Variants in RYR2 observed in about 807,000 individuals in gnomAD.
RYR2 encodes the protein cardiac muscle ryanodine receptor-calcium release channel.
In RYR2, 227 loss-of-function variants were observed where a neutral mutation model predicts 601.1. That is an observed-to-expected ratio of 0.38 (90% confidence interval 0.34 to 0.42). The LOEUF (loss-of-function observed/expected upper bound fraction) is 0.42, where lower values mean the gene tolerates loss of function less well. Ranked by LOEUF, RYR2 falls within the 10% of genes least tolerant of loss-of-function variation. The pLI is 1.00. For missense variants in RYR2, 4,646 were observed against 6,156.5 expected (o/e 0.75, Z 8.21); for synonymous variants, 2,223 against 2,175.1 (o/e 1.02, Z -0.61).
chr1:237,726,160 C>A, intron 74 of RYR2, 113 bp from the exon 75 acceptor site: 1 of 775,758 alleles, frequency 1.3e-6, no homozygotes, highest in Non-Finnish European at 2.1e-6. Context: ...GCAGTCCAAA[C>A]ATTTTAAATG....
At chr1:237,643,627 T>G (rs1681811256) in intron 48 of RYR2, among the ~76,000 whole-genome samples, 180 bp downstream of exon 48, 1 of 151,758 alleles carries the variant, frequency 6.6e-6, no homozygotes, top group Admixed American at 6.6e-5. Context: ...TCCTTTTTTT[T>G]TTTGAATTAG....
At chr1:237,318,694 G>A (rs896704138) in intron 2 of RYR2, among the ~76,000 whole-genome samples, 34 of 152,120 alleles carry the variant, frequency 2.2e-4, no homozygotes, top group African/African-American at 7.9e-4. Context: ...CCATTTGATG[G>A]GATGTGTATT....
At chr1:237,288,572 C>T (rs544738856) in intron 2 of RYR2, among the ~76,000 whole-genome samples, 5 of 151,870 alleles carry the variant, frequency 3.3e-5, no homozygotes, top group African/African-American at 1.2e-4. Flanking sequence ...CTGAGTCATG[C>T]AGGTTGTCAG....
intron 1 of RYR2, among the ~76,000 whole-genome samples, chr1:237,236,793 A>G (rs1290519638): frequency 6.6e-6 from 1 of 152,156 alleles, no homozygotes; most frequent in Non-Finnish European, 1.5e-5. Context: ...ATGTTGAGGA[A>G]TTATCTACAA....
intron 1 of RYR2, among the ~76,000 whole-genome samples, chr1:237,068,096 G>T (rs1461786172): frequency 8.1e-6 from 1 of 123,204 alleles, no homozygotes; most frequent in Admixed American, 1.1e-4. Flanking sequence ...TTCTCATCAT[G>T]TCAATCTCAG....
chr1:237,526,064 G>C (rs1473683704), intron 24 of RYR2, among the ~76,000 whole-genome samples: 1 of 152,054 alleles, frequency 6.6e-6, no homozygotes, highest in African/African-American at 2.4e-5. Context: ...CTGAATGGTA[G>C]TTCTATTTTT....
intron 100 of RYR2, among the ~76,000 whole-genome samples, chr1:237,809,372 T>G (rs2149447819): frequency 6.6e-6 from 1 of 152,334 alleles, no homozygotes; most frequent in African/African-American, 2.4e-5. Flanking sequence ...GAAGCCTTAG[T>G]TTTTTGTTCA....
At chr1:237,713,851 G>A (rs1230166352) in intron 71 of RYR2, among the ~76,000 whole-genome samples, 1 of 151,628 alleles carries the variant, frequency 6.6e-6, no homozygotes, top group African/African-American at 2.4e-5. Context: ...TTCATTTCCT[G>A]TTGAAATGTA....
At chr1:237,529,386 G>A (rs1307961314) in intron 24 of RYR2, among the ~76,000 whole-genome samples, 1 of 151,968 alleles carries the variant, frequency 6.6e-6, no homozygotes, top group Non-Finnish European at 1.5e-5. Flanking sequence ...AATTGTGTGT[G>A]TATAGATGGA....
intron 89 of RYR2, among the ~76,000 whole-genome samples, chr1:237,781,920 C>T (rs1025031106): frequency 3.9e-5 from 6 of 152,058 alleles, no homozygotes; most frequent in African/African-American, 1.4e-4. Flanking sequence ...GTAAGCTCTC[C>T]AGTCTATAAA....
At chr1:237,732,678 C>T (rs1690794161) in intron 78 of RYR2, among the ~76,000 whole-genome samples, 2 of 152,122 alleles carry the variant, frequency 1.3e-5, no homozygotes, top group African/African-American at 4.8e-5. Context: ...ACCAAAGCCA[C>T]AAAGGGCAAA....
At position 237,089,287 on chromosome 1, in the gene RYR2, CT is replaced by C. The variant is rs370940238; in HGVS notation, c.48+46722del. Reference sequence around the variant, plus strand: ...AGGCCTGTTTGAGAATAAGCAGAGCCTTTTCTTCCCATTCCTTTAATTGTTA... The same window carrying C: ...AGGCCTGTTTGAGAATAAGCAGAGCCTTTCTTCCCATTCCTTTAATTGTTA... On this transcript the variant is annotated intron_variant, in intron 1 of 104. Transcript: ENST00000366574. 3.3e-4 allele frequency among the ~76,000 whole-genome samples: 50 copies of C among 152,308 alleles called. 2 individuals carry two copies. The South Asian group carries it at 5.2e-3, about 16-fold the overall frequency.
chr1:237,292,521 A>G (rs1692339256), intron 2 of RYR2, among the ~76,000 whole-genome samples: 1 of 152,100 alleles, frequency 6.6e-6, no homozygotes, highest in Non-Finnish European at 1.5e-5. Flanking sequence ...ATCGGTATTT[A>G]TTTTAGAATG....
rs76387526 is a variant in RYR2 at position 237,531,717 on chromosome 1, T to C, written c.2906+1207T>C. Among the ~76,000 whole-genome samples, 1,360 of 152,302 alleles carry C rather than the reference T, an allele frequency of 8.9e-3. 22 individuals carry two copies. Among genetic ancestry groups the C allele is most frequent in the African/African-American group, 0.031 (1,281 of 41,550 alleles). ...TTATAAAAACTGTATTGTTACCTCGTGCAGTTTTAGGTTCTAAAATTTTTC... is the reference window on the plus strand; with the variant it reads ...TTATAAAAACTGTATTGTTACCTCGCGCAGTTTTAGGTTCTAAAATTTTTC... On this transcript the variant is annotated intron_variant, in intron 25 of 104. Transcript: ENST00000366574.
chr1:237,261,887 G>T (rs922314452), intron 1 of RYR2, among the ~76,000 whole-genome samples: 2 of 151,940 alleles, frequency 1.3e-5, no homozygotes, highest in African/African-American at 4.8e-5. Flanking sequence ...TCTTTCCATA[G>T]AACTTTTCAC....
intron 30 of RYR2, 145 bp downstream of exon 30, chr1:237,590,146 A>G (rs894578473): frequency 3.9e-6 from 3 of 760,044 alleles, no homozygotes; most frequent in Non-Finnish European, 6.1e-6. Flanking sequence ...ATCTAAGCAA[A>G]GATGGTACTT....
chr1:237,705,449 C>A, intron 67 of RYR2, 106 bp downstream of exon 67: 1 of 902,682 alleles, frequency 1.1e-6, no homozygotes, highest in Non-Finnish European at 1.7e-6. Flanking sequence ...TTACTATATC[C>A]AATCTTGTTT....
intron 1 of RYR2, among the ~76,000 whole-genome samples, chr1:237,258,298 T>C (rs569302736): frequency 4.6e-5 from 7 of 151,736 alleles, no homozygotes; most frequent in African/African-American, 1.7e-4. Flanking sequence ...GTGTTATAGA[T>C]GGAGGAGGAA....
chr1:237,077,757 A>C (rs1446726349), intron 1 of RYR2, among the ~76,000 whole-genome samples: 13 of 152,236 alleles, frequency 8.5e-5, no homozygotes, highest in African/African-American at 2.9e-4. Flanking sequence ...AATTGAACTC[A>C]GCTCTGCACC....
Sources: gnomAD v4.1 joint callset for allele counts (sites outside exome capture counted in the v4.1 genomes callset) on GRCh38, gnomAD v4.1.1 for gene constraint, MANE v1.5 for transcripts, NCBI Gene and HGNC (gene_info 2026-07-23, HGNC 2026-07-21) for gene names.